The following NAV3 variants were observed in gnomAD, a reference collection of about 807,000 sequenced individuals.
NAV3 encodes the protein pore membrane and/or filament interacting like protein 1.
NAV3 carries 87 observed loss-of-function variants against 244.7 expected under a neutral mutation model. The observed-to-expected ratio is 0.36, with a 90% CI of 0.30 to 0.42. The LOEUF (loss-of-function observed/expected upper bound fraction) is 0.42. NAV3 is among the 20% of genes least tolerant of loss of function. The pLI is 1.00. For synonymous variants in NAV3, 1,126 were observed against 1,042.2 expected (o/e 1.08, Z -1.55); for missense variants, 2,663 against 2,893.3 (o/e 0.92, Z 1.83).
chr12:77,913,729 T>G (rs1886850631), intron 1 of NAV3, among the ~76,000 whole-genome samples: 1 of 152,104 alleles, frequency 6.6e-6, no homozygotes, highest in East Asian at 1.9e-4. Flanking sequence ...TTGAGTATTT[T>G]TACAGTCTCT....
intron 2 of NAV3, among the ~76,000 whole-genome samples, chr12:77,725,634 GA>G (rs907666694): frequency 8.6e-4 from 125 of 144,988 alleles, no homozygotes; most frequent in Middle Eastern, 3.5e-3. Flanking sequence ...ATTTGGAAAG[GA>G]AAAAAAAAAA....
At chr12:77,655,555 TC>T (rs1592546592) in intron 2 of NAV3, among the ~76,000 whole-genome samples, 2 of 152,124 alleles carry the variant, frequency 1.3e-5, no homozygotes, top group East Asian at 3.9e-4. Flanking sequence ...CAGGAGAACT[TC>T]CCCAATCTAG....
At chr12:77,855,501 T>C (rs1878259391) in intron 1 of NAV3, among the ~76,000 whole-genome samples, 1 of 152,222 alleles carries the variant, frequency 6.6e-6, no homozygotes, top group African/African-American at 2.4e-5. Flanking sequence ...CATTGTGATA[T>C]ATTATAAGAA....
intron 11 of NAV3, among the ~76,000 whole-genome samples, chr12:78,052,553 A>G (rs990042800): frequency 2.0e-5 from 3 of 152,196 alleles, no homozygotes; most frequent in African/African-American, 2.4e-5. Context: ...AATGCTTGGC[A>G]TGATACAAGC....
At chr12:78,117,194 T>TGA (rs1955438631) in intron 13 of NAV3, among the ~76,000 whole-genome samples, 1 of 74,458 alleles carries the variant, frequency 1.3e-5, no homozygotes, top group Non-Finnish European at 2.9e-5. Flanking sequence ...TATATATATA[T>TGA]ATGATATACA....
intron 2 of NAV3, among the ~76,000 whole-genome samples, chr12:77,825,864 G>A (rs1872966130): frequency 6.6e-6 from 1 of 152,078 alleles, no homozygotes; most frequent in Non-Finnish European, 1.5e-5. Flanking sequence ...CAAAAAGTGG[G>A]CAAGAGTTTT....
intron 9 of NAV3, among the ~76,000 whole-genome samples, chr12:78,022,264 T>TA (rs1259266967): frequency 2.0e-5 from 3 of 152,108 alleles, no homozygotes; most frequent in Non-Finnish European, 4.4e-5. Flanking sequence ...ATGACCATTC[T>TA]AAAAAACTCT....
intron 12 of NAV3, among the ~76,000 whole-genome samples, chr12:78,068,691 A>T (rs986110398): frequency 4.0e-5 from 6 of 148,514 alleles, no homozygotes. Context: ...AATATATATA[A>T]ATCTGTCATT....
intron 12 of NAV3, among the ~76,000 whole-genome samples, chr12:78,084,197 C>G (rs1279294824): frequency 6.6e-6 from 1 of 152,194 alleles, no homozygotes; most frequent in Non-Finnish European, 1.5e-5. Context: ...AATTTCCAGT[C>G]TTTCTTTCCC....
chr12:77,921,803 G>A (rs74106210), intron 1 of NAV3, among the ~76,000 whole-genome samples: 12 of 152,092 alleles, frequency 7.9e-5, no homozygotes, highest in African/African-American at 2.9e-4. Context: ...AAAATGTATG[G>A]GTATTGTAGA....
At chr12:78,041,817 T>C (rs993932397) in intron 9 of NAV3, among the ~76,000 whole-genome samples, 1 of 152,194 alleles carries the variant, frequency 6.6e-6, no homozygotes, top group Non-Finnish European at 1.5e-5. Context: ...AGGAAGTAAA[T>C]TAACAGATTA....
intron 34 of NAV3, among the ~76,000 whole-genome samples, chr12:78,194,100 G>A (rs1405513638): frequency 1.3e-5 from 2 of 151,944 alleles, no homozygotes; most frequent in African/African-American, 4.8e-5. Flanking sequence ...AACTTGGCTT[G>A]ACTTGTGTGG....
At chr12:77,834,883 A>G (rs1306346852) in intron 1 of NAV3, among the ~76,000 whole-genome samples, 2 of 2,530 alleles carry the variant, frequency 7.9e-4, no homozygotes, top group South Asian at 5.7e-3. Flanking sequence ...AGCTTTTGGG[A>G]AAAAAAAAAA....
At chr12:78,064,991 G>A (rs1284445972) in intron 12 of NAV3, among the ~76,000 whole-genome samples, 2 of 151,994 alleles carry the variant, frequency 1.3e-5, no homozygotes, top group African/African-American at 4.8e-5. Flanking sequence ...TAACAGATAC[G>A]TAAGATCAAT....
chr12:78,151,515 G>GA (rs1053606815), intron 22 of NAV3, among the ~76,000 whole-genome samples: 5 of 151,864 alleles, frequency 3.3e-5, no homozygotes, highest in Admixed American at 6.6e-5. Context: ...TATGCTGAGT[G>GA]AAAAAAGACA....
chr12:78,148,958 T>G lies in NAV3; in HGVS notation c.4785+39T>G, dbSNP rs2166955. Reference sequence around the variant, plus strand: ...TTTTTAAAATATATTACAACAAATTTTTATAGAGGAAAATGAAATCATTTT... The same window carrying G: ...TTTTTAAAATATATTACAACAAATTGTTATAGAGGAAAATGAAATCATTTT... On this transcript the variant is annotated intron_variant, in intron 22 of 39. Transcript: ENST00000397909. 3.2e-3 allele frequency: 4,728 copies of G among 1,494,810 alleles called. 117 individuals are homozygous for G. The African/African-American group carries it at 0.057, about 18-fold the overall frequency. 92.6% of individuals were successfully genotyped at this position (1,494,810 alleles called of 1,614,324 possible).
chr12:77,646,238 A>T (rs964916574), intron 2 of NAV3, among the ~76,000 whole-genome samples: 1 of 152,154 alleles, frequency 6.6e-6, no homozygotes, highest in Non-Finnish European at 1.5e-5. Flanking sequence ...CACTAATTAA[A>T]AGACAAGTCC....
rs2136567317 is a variant in NAV3 at position 78,006,717 on chromosome 12, C to T, written c.1179C>T (p.Ala393=). The T allele has an allele frequency of 6.2e-7, 1 of 1,613,958 alleles. No individual in the cohort carries two copies. Among genetic ancestry groups the T allele is most frequent in the Non-Finnish European group, 8.5e-7 (1 of 1,180,000 alleles). The change falls in exon 8 of 40, where the codon GCC becomes GCT. Residue 393 remains alanine (A), a synonymous_variant. Transcript: ENST00000397909. ...TTGAGAAATTCAAGCTAGTCAATGC[C>T]CGGACTGCTTTACGCCCCCCGCAGC... ...SMLEKFKLVN[A]RTALRPPQPP...
chr12:77,985,359 A>C (rs1870311024), intron 5 of NAV3, among the ~76,000 whole-genome samples: 1 of 152,210 alleles, frequency 6.6e-6, no homozygotes, highest in Non-Finnish European at 1.5e-5. Context: ...TTAGTTTCTC[A>C]ATATCTATGT....
Sources: allele counts gnomAD v4.1 joint callset (sites outside exome capture counted in the v4.1 genomes callset), GRCh38; gene constraint gnomAD v4.1.1; transcripts MANE v1.5; gene names NCBI Gene and HGNC (gene_info 2026-07-23, HGNC 2026-07-21).